TRPM3: variants seen among roughly 807,000 people sequenced by gnomAD.
TRPM3 encodes long transient receptor potential channel 3.
In TRPM3, 77 loss-of-function variants were observed where a neutral mutation model predicts 181.2. The observed-to-expected ratio is 0.42, with a 90% CI of 0.35 to 0.51. The LOEUF (loss-of-function observed/expected upper bound fraction) is 0.51, where lower values mean the gene tolerates loss of function less well. Ranked by LOEUF, TRPM3 falls within the 20% of genes least tolerant of loss-of-function variation. The pLI is 0.01. For synonymous variants in TRPM3, 745 were observed against 796.4 expected (o/e 0.94, Z 1.09); for missense variants, 1,759 against 2,196.7 (o/e 0.80, Z 3.98).
intron 9 of TRPM3, among the ~76,000 whole-genome samples, chr9:70,674,876 AT>A (rs1431985940): frequency 6.6e-6 from 1 of 151,094 alleles, no homozygotes; most frequent in African/African-American, 2.4e-5. Flanking sequence ...TATATATGAA[AT>A]TTTTAAAAAA....
chr9:71,298,295 A>G (rs989233741), intron 1 of TRPM3, among the ~76,000 whole-genome samples: 20 of 152,248 alleles, frequency 1.3e-4, no homozygotes, highest in African/African-American at 4.8e-4. Flanking sequence ...AGTATAATCC[A>G]TACATCTGGT....
At chr9:71,437,634 A>C (rs2094062742) in intron 1 of TRPM3, among the ~76,000 whole-genome samples, 1 of 152,000 alleles carries the variant, frequency 6.6e-6, no homozygotes. Context: ...TTGGGAGGCT[A>C]TGGTGGGCGG....
intron 1 of TRPM3, among the ~76,000 whole-genome samples, chr9:71,289,875 C>CAAAAAAAA: frequency 2.5e-5 from 1 of 39,792 alleles, no homozygotes; most frequent in East Asian, 1.2e-3. Context: ...GACTCTGTCT[C>CAAAAAAAA]AAAAAAAAAA....
At chr9:71,153,778 C>T (rs1178299148) in intron 1 of TRPM3, among the ~76,000 whole-genome samples, 3 of 152,028 alleles carry the variant, frequency 2.0e-5, no homozygotes, top group Admixed American at 2.0e-4. Context: ...ACCCAGAAGG[C>T]CATGCTTTTT....
At chr9:70,637,382 T>C (rs1302414290) in intron 11 of TRPM3, among the ~76,000 whole-genome samples, 1 of 152,092 alleles carries the variant, frequency 6.6e-6, no homozygotes, top group Non-Finnish European at 1.5e-5. Context: ...AACAAAGTAT[T>C]CCGGGAAGCC....
At chr9:71,343,225 A>T (rs2091079332) in intron 1 of TRPM3, among the ~76,000 whole-genome samples, 1 of 152,076 alleles carries the variant, frequency 6.6e-6, no homozygotes, top group Non-Finnish European at 1.5e-5. Flanking sequence ...AAAATAAGTT[A>T]AAAAGGAAAC....
intron 1 of TRPM3, among the ~76,000 whole-genome samples, chr9:71,238,529 T>A (rs1034047124): frequency 6.6e-6 from 1 of 152,192 alleles, no homozygotes; most frequent in African/African-American, 2.4e-5. Flanking sequence ...CAAAATGAAC[T>A]TTTTTCTTCA....
chr9:70,978,053 C>T (rs2097324338), intron 1 of TRPM3, among the ~76,000 whole-genome samples: 1 of 152,160 alleles, frequency 6.6e-6, no homozygotes, highest in African/African-American at 2.4e-5. Context: ...CTAATCATGC[C>T]TCGGTCCTTC....
chr9:70,680,916 T>C (rs2065260031), intron 9 of TRPM3, among the ~76,000 whole-genome samples: 2 of 152,192 alleles, frequency 1.3e-5, no homozygotes, highest in African/African-American at 2.4e-5. Flanking sequence ...GTATTGGGAC[T>C]AGAGAATAGG....
rs367782544 is a variant in TRPM3, at chr9:70,926,439, T to C, written c.178-61928A>G. On this transcript the variant is annotated intron_variant, in intron 1 of 25. Coordinates refer to ENST00000677713, the MANE Select transcript of TRPM3 (RefSeq NM_001366145.2). ...TAAATCACAAGTACATGTGATTTCA[T>C]AGAGAGATGCACAAAAAAATTAAAA... is the stretch of plus-strand genomic sequence containing the variant. Among the ~76,000 whole-genome samples the C allele has an allele frequency of 1.9e-4, 29 of 152,284 alleles. No individual in the cohort carries two copies. The South Asian group carries it at 6.0e-3, about 32-fold the overall frequency.
chr9:71,236,282 G>T (rs1275272889), intron 1 of TRPM3, among the ~76,000 whole-genome samples: 1 of 152,086 alleles, frequency 6.6e-6, no homozygotes, highest in Admixed American at 6.6e-5. Context: ...CTGGACATTA[G>T]TTTTCTTATC....
chr9:71,349,359 G>T (rs528460756), intron 1 of TRPM3, among the ~76,000 whole-genome samples: 325 of 152,222 alleles, frequency 2.1e-3, no homozygotes, highest in African/African-American at 7.3e-3. Flanking sequence ...AGAGCCAGGG[G>T]AACTCCCACC....
intron 1 of TRPM3, among the ~76,000 whole-genome samples, chr9:71,189,632 T>G (rs1012473176): frequency 6.6e-6 from 1 of 151,804 alleles, no homozygotes; most frequent in Non-Finnish European, 1.5e-5. Context: ...CTACCCCTTC[T>G]GTCTAGAACT....
At chr9:70,798,593 C>T (rs2087898329) in intron 6 of TRPM3, among the ~76,000 whole-genome samples, 1 of 152,200 alleles carries the variant, frequency 6.6e-6, no homozygotes, top group Non-Finnish European at 1.5e-5. Context: ...CTCCCCAGCC[C>T]TCTCAGATAA....
intron 22 of TRPM3, among the ~76,000 whole-genome samples, chr9:70,565,736 T>A (rs1428518151): frequency 6.6e-6 from 1 of 152,202 alleles, no homozygotes; most frequent in Non-Finnish European, 1.5e-5. Context: ...AATCACATTA[T>A]CCCACATTAC....
rs576306505 is a variant in TRPM3, at chr9:70,591,163, G to A, written c.3091C>T (p.Leu1031=). The change falls in exon 22 of 26, where the codon CTG becomes TTG. Residue 1031 remains leucine, a synonymous_variant. Transcript: ENST00000677713. ...TGCCTGGCGACCCCAAAGCTCATCA[G>A]AACCACCAGCATAATGATGACAAAG... The part of the protein sequence containing the change: ...MYFVIIMLVV[L]MSFGVARQAI... 372 of 1,614,030 alleles carry A rather than the reference G, an allele frequency of 2.3e-4. 7 individuals are homozygous for A. The South Asian group carries it at 3.8e-3, about 17-fold the overall frequency.
At chr9:70,891,327 T>C (rs1254935029) in intron 1 of TRPM3, among the ~76,000 whole-genome samples, 2 of 152,128 alleles carry the variant, frequency 1.3e-5, no homozygotes, top group Non-Finnish European at 2.9e-5. Context: ...AAGTATATGC[T>C]GGGAAAAGGG....
chr9:70,609,315 A>C lies in TRPM3; in HGVS notation c.2667+1294T>G, dbSNP rs1786726165. On this transcript the variant is annotated intron_variant, in intron 19 of 25. Coordinates refer to ENST00000677713, the MANE Select transcript of TRPM3 (RefSeq NM_001366145.2). Reference sequence around the variant, plus strand: ...ATATAGAGCTGTATAAAATATATGAATAGAAACGATTTTTGCATGCCTCAG... The same window carrying C: ...ATATAGAGCTGTATAAAATATATGACTAGAAACGATTTTTGCATGCCTCAG... 2.6e-5 allele frequency among the ~76,000 whole-genome samples: 4 copies of C among 152,346 alleles called. 1 individual carries two copies. The South Asian group carries it at 8.3e-4, about 32-fold the overall frequency.
At chr9:71,079,017 C>T (rs919612056) in intron 1 of TRPM3, among the ~76,000 whole-genome samples, 1 of 141,856 alleles carries the variant, frequency 7.0e-6, no homozygotes, top group Non-Finnish European at 1.6e-5. Context: ...AGAATGAGCA[C>T]TATTTTTTTT....
Sources: gnomAD v4.1 joint callset for allele counts (sites outside exome capture counted in the v4.1 genomes callset) on GRCh38, gnomAD v4.1.1 for gene constraint, MANE v1.5 for transcripts, NCBI Gene and HGNC (gene_info 2026-07-23, HGNC 2026-07-21) for gene names.